MSRA: variants seen among roughly 807,000 people sequenced by gnomAD.
The protein encoded by MSRA is mitochondrial peptide methionine sulfoxide reductase.
Under a neutral mutation model 31.3 loss-of-function variants are expected in MSRA, and 54 were observed. The ratio of observed to expected loss-of-function variants is 1.73; its 90% CI spans 1.39 to 2.17. MSRA has a LOEUF of 2.17. Among genes scored for constraint, MSRA ranks in the 30% most tolerant of loss-of-function variants. The pLI, the probability that MSRA is intolerant of heterozygous loss-of-function variation, is 0.00. For missense variants in MSRA, 507 were observed against 300.9 expected (o/e 1.69, Z -5.07); for synonymous variants, 169 against 116.5 (o/e 1.45, Z -2.90).
At chr8:10,357,807 G>A (rs1181356336) in intron 5 of MSRA, among the ~76,000 whole-genome samples, 12 of 152,224 alleles carry the variant, frequency 7.9e-5, no homozygotes, top group Non-Finnish European at 1.8e-4. Context: ...GGAGGGAGGG[G>A]TGTTATCAAA....
At chr8:10,074,170 C>T (rs984116248) in intron 1 of MSRA, among the ~76,000 whole-genome samples, 13 of 140,188 alleles carry the variant, frequency 9.3e-5, no homozygotes, top group Non-Finnish European at 1.5e-5. Flanking sequence ...GCAAGCTCTG[C>T]CTCCAGGGTT....
intron 1 of MSRA, among the ~76,000 whole-genome samples, chr8:10,104,328 G>T (rs1563099391): frequency 6.6e-6 from 1 of 152,184 alleles, no homozygotes; most frequent in Non-Finnish European, 1.5e-5. Context: ...AGTTTATTTT[G>T]CCAAGGTTAA....
intron 1 of MSRA, among the ~76,000 whole-genome samples, chr8:10,149,139 T>TTC (rs1803425549): frequency 7.8e-6 from 1 of 127,460 alleles, no homozygotes; most frequent in African/African-American, 2.8e-5. Flanking sequence ...TTTTTTTTTT[T>TTC]ATTCGTAGTT....
chr8:10,175,851 T>C (rs1806002529), intron 1 of MSRA, among the ~76,000 whole-genome samples: 2 of 152,252 alleles, frequency 1.3e-5, no homozygotes, highest in Non-Finnish European at 2.9e-5. Context: ...GTTTTTAATA[T>C]TTACTTTTGG....
intron 4 of MSRA, among the ~76,000 whole-genome samples, chr8:10,319,377 A>T (rs1801913038): frequency 1.3e-5 from 2 of 152,126 alleles, no homozygotes; most frequent in African/African-American, 2.4e-5. Context: ...TTTAAGTTGC[A>T]GGCTAGATGG....
At chr8:10,428,081 G>A in intron 5 of MSRA, 67 bp from the exon 6 acceptor site, 1 of 1,544,794 alleles carries the variant, frequency 6.5e-7, no homozygotes, top group South Asian at 1.3e-5. Flanking sequence ...TGGCCCCTCA[G>A]TGCCACCCCT....
At chr8:10,265,606 G>T (rs938568278) in intron 3 of MSRA, among the ~76,000 whole-genome samples, 1 of 152,184 alleles carries the variant, frequency 6.6e-6, no homozygotes, top group South Asian at 2.1e-4. Flanking sequence ...GTTGAATTGG[G>T]CTGTAAGTGA....
chr8:10,337,903 AG>A (rs1803158150), intron 5 of MSRA: 3 of 672,742 alleles, frequency 4.5e-6, no homozygotes, highest in Non-Finnish European at 8.1e-6. Context: ...TTATGACAGC[AG>A]GGCTTCGTGT....
chr8:10,093,848 T>G (rs1023285136), intron 1 of MSRA, among the ~76,000 whole-genome samples: 2 of 152,212 alleles, frequency 1.3e-5, no homozygotes, highest in Non-Finnish European at 2.9e-5. Context: ...TCTTAATGTC[T>G]CCTTCATTTT....
At chr8:10,334,002 C>G (rs1282358047) in intron 5 of MSRA, among the ~76,000 whole-genome samples, 1 of 152,086 alleles carries the variant, frequency 6.6e-6, no homozygotes. Context: ...AGGGCCTATA[C>G]GTTTTTCTCC....
chr8:10,275,845 T>C (rs1176628833), intron 3 of MSRA, among the ~76,000 whole-genome samples: 1 of 152,198 alleles, frequency 6.6e-6, no homozygotes, highest in South Asian at 2.1e-4. Flanking sequence ...GAGTTGCACA[T>C]CTAGGGTTGG....
chr8:10,223,305 C>T (rs1470538346), intron 2 of MSRA, among the ~76,000 whole-genome samples: 1 of 152,178 alleles, frequency 6.6e-6, no homozygotes, highest in African/African-American at 2.4e-5. Context: ...TTGAGAAGCA[C>T]TTCAGATTGT....
At chr8:10,110,388 C>T (rs889835539) in intron 1 of MSRA, among the ~76,000 whole-genome samples, 2 of 152,182 alleles carry the variant, frequency 1.3e-5, no homozygotes, top group African/African-American at 4.8e-5. Context: ...TTGTTACCCA[C>T]TAAGATGCAT....
intron 5 of MSRA, among the ~76,000 whole-genome samples, chr8:10,369,739 T>G (rs1805373883): frequency 6.6e-6 from 1 of 152,236 alleles, no homozygotes; most frequent in Non-Finnish European, 1.5e-5. Flanking sequence ...ATTGATAGCA[T>G]AAGAATTTAT....
intron 3 of MSRA, among the ~76,000 whole-genome samples, chr8:10,291,250 T>C (rs1563315999): frequency 2.6e-5 from 4 of 152,210 alleles, no homozygotes; most frequent in South Asian, 4.1e-4. Flanking sequence ...GTATAAAATA[T>C]ACAGCAGAGG....
chr8:10,154,602 C>T (rs1368428005), intron 1 of MSRA, among the ~76,000 whole-genome samples: 1 of 152,124 alleles, frequency 6.6e-6, no homozygotes, highest in African/African-American at 2.4e-5. Flanking sequence ...TGGTCTTGAT[C>T]ACCTGACCTC....
At chr8:10,420,452 T>A (rs746922193) in intron 5 of MSRA, among the ~76,000 whole-genome samples, 7 of 152,206 alleles carry the variant, frequency 4.6e-5, no homozygotes, top group Non-Finnish European at 7.4e-5. Context: ...CAAAACTTAA[T>A]GACATAAAAC....
intron 1 of MSRA, among the ~76,000 whole-genome samples, chr8:10,097,590 CA>C (rs1306389132): frequency 2.0e-5 from 3 of 152,162 alleles, no homozygotes; most frequent in Non-Finnish European, 4.4e-5. Flanking sequence ...ACTTCTTAAA[CA>C]TTTAACATAA....
intron 1 of MSRA, among the ~76,000 whole-genome samples, chr8:10,199,190 C>T (rs1274445794): frequency 6.6e-6 from 1 of 152,098 alleles, no homozygotes; most frequent in African/African-American, 2.4e-5. Context: ...CCGCTGGGTT[C>T]CTCTTGCACT....
Sources: allele counts gnomAD v4.1 joint callset (sites outside exome capture counted in the v4.1 genomes callset), GRCh38; gene constraint gnomAD v4.1.1; transcripts MANE v1.5; gene names NCBI Gene and HGNC (gene_info 2026-07-23, HGNC 2026-07-21).